PBX3: variants seen among roughly 807,000 people sequenced by gnomAD.
The protein encoded by PBX3 is pre-B-cell leukemia transcription factor 3.
Under a neutral mutation model 48.5 loss-of-function variants are expected in PBX3, and 14 were observed. The observed-to-expected ratio is 0.29, with a 90% CI of 0.19 to 0.45. PBX3 has a LOEUF of 0.45. PBX3 is among the 20% of genes least tolerant of loss of function. The pLI, the probability that PBX3 is intolerant of heterozygous loss-of-function variation, is 1.00. For missense variants in PBX3, 386 were observed against 546.7 expected (o/e 0.71, Z 2.93); for synonymous variants, 210 against 200.3 (o/e 1.05, Z -0.41).
intron 2 of PBX3, among the ~76,000 whole-genome samples, chr9:125,867,361 G>A (rs562487079): frequency 6.6e-6 from 1 of 152,218 alleles, no homozygotes; most frequent in Admixed American, 6.5e-5. Flanking sequence ...AAACAAAATT[G>A]TTGGGTGTGG....
intron 2 of PBX3, among the ~76,000 whole-genome samples, chr9:125,877,654 CACTTT>C (rs1158735733): frequency 6.6e-6 from 1 of 152,058 alleles, no homozygotes; most frequent in Non-Finnish European, 1.5e-5. Flanking sequence ...ATCTTACTTC[CACTTT>C]ACGTATCATG....
chr9:125,801,534 C>T (rs1837944603), intron 2 of PBX3, among the ~76,000 whole-genome samples: 1 of 152,028 alleles, frequency 6.6e-6, no homozygotes, highest in Non-Finnish European at 1.5e-5. Flanking sequence ...AACCAAAGAC[C>T]ATAAAATTAC....
intron 2 of PBX3, among the ~76,000 whole-genome samples, chr9:125,802,854 C>T (rs1347581220): frequency 3.3e-5 from 5 of 151,608 alleles, no homozygotes; most frequent in Non-Finnish European, 7.4e-5. Context: ...AATTTTTGTA[C>T]TTTTAGTAGA....
chr9:125,860,884 CA>C (rs58796485), intron 2 of PBX3, among the ~76,000 whole-genome samples: 14,124 of 99,112 alleles, frequency 0.14, 904 homozygotes, highest in African/African-American at 0.3. Context: ...AAGACTCTGT[CA>C]AAAAAAAAAA....
intron 2 of PBX3, among the ~76,000 whole-genome samples, chr9:125,903,980 C>T (rs1280746884): frequency 6.6e-6 from 1 of 151,732 alleles, no homozygotes; most frequent in African/African-American, 2.4e-5. Flanking sequence ...TAGTACCTGC[C>T]TTACTTAGGG....
intron 5 of PBX3, among the ~76,000 whole-genome samples, chr9:125,956,983 C>CT (rs1169318129): frequency 6.6e-6 from 1 of 152,098 alleles, no homozygotes; most frequent in Non-Finnish European, 1.5e-5. Context: ...CTTAGGGCTT[C>CT]TTTTGCAACT....
chr9:125,914,560 C>T (rs2132464161), intron 2 of PBX3, among the ~76,000 whole-genome samples: 1 of 152,246 alleles, frequency 6.6e-6, no homozygotes, highest in Admixed American at 6.5e-5. Flanking sequence ...ATGTAAGTTA[C>T]ACTAGACACA....
At chr9:125,762,296 T>A (rs1836689820) in intron 2 of PBX3, among the ~76,000 whole-genome samples, 1 of 152,150 alleles carries the variant, frequency 6.6e-6, no homozygotes, top group African/African-American at 2.4e-5. Context: ...TTGCAAGAAG[T>A]GTAGTTCCCC....
chr9:125,900,931 T>C (rs75953004), intron 2 of PBX3, among the ~76,000 whole-genome samples: 3,013 of 151,834 alleles, frequency 0.02, 170 homozygotes, highest in East Asian at 0.17. Context: ...TAAATTATAA[T>C]TTATTCTCTA....
chr9:125,838,368 G>C lies in PBX3; in HGVS notation c.275-77318G>C, dbSNP rs546162815. Among the ~76,000 whole-genome samples the C allele has an allele frequency of 3.5e-4, 53 of 152,240 alleles. 1 individual carries two copies. In the South Asian group the frequency reaches 0.011, roughly 31 times the overall value. On this transcript the variant is annotated intron_variant, in intron 2 of 8. Coordinates refer to ENST00000373489, the MANE Select transcript of PBX3 (RefSeq NM_006195.6). ...CCTGGCGTCTTCTAAGTCTACTTTGGACAATGGGCCCTTGCTCTCACAATT... is the reference window on the plus strand; with the variant it reads ...CCTGGCGTCTTCTAAGTCTACTTTGCACAATGGGCCCTTGCTCTCACAATT...
chr9:125,777,754 T>C (rs550644163), intron 2 of PBX3, among the ~76,000 whole-genome samples: 15 of 152,280 alleles, frequency 9.9e-5, no homozygotes, highest in African/African-American at 3.1e-4. Flanking sequence ...TTTACTCTCT[T>C]TCTTTGTTAT....
rs74993588 is a variant in PBX3, at chr9:125,841,085, T to C, written c.275-74601T>C. 2.9e-3 allele frequency among the ~76,000 whole-genome samples: 445 copies of C among 152,292 alleles called. 4 individuals carry two copies. Among genetic ancestry groups the C allele is most frequent in the African/African-American group, 0.011 (438 of 41,568 alleles). On this transcript the variant is annotated intron_variant, in intron 2 of 8. Transcript: ENST00000373489. ...CGCTAGGGACTATGAATAGCCTCTT[T>C]GCATGGAATTTATTATGGTTTGTTT...
intron 2 of PBX3, among the ~76,000 whole-genome samples, chr9:125,879,084 T>C (rs1305230207): frequency 2.0e-5 from 3 of 149,470 alleles, no homozygotes; most frequent in African/African-American, 7.4e-5. Context: ...ATTCTTTTTT[T>C]TTTTTTTTTT....
chr9:125,793,308 C>T (rs546061536), intron 2 of PBX3, among the ~76,000 whole-genome samples: 12 of 145,040 alleles, frequency 8.3e-5, no homozygotes, highest in Non-Finnish European at 1.3e-4. Context: ...GGCAAGATTG[C>T]GCCACCGCAC....
chr9:125,894,733 T>C (rs1232083677), intron 2 of PBX3, among the ~76,000 whole-genome samples: 1 of 152,146 alleles, frequency 6.6e-6, no homozygotes, highest in Non-Finnish European at 1.5e-5. Context: ...TCAGAATGTA[T>C]GAGCAGTCAT....
intron 2 of PBX3, among the ~76,000 whole-genome samples, chr9:125,881,410 G>T (rs1840378196): frequency 1.3e-5 from 2 of 152,168 alleles, no homozygotes; most frequent in Non-Finnish European, 2.9e-5. Context: ...TAGGAGTATA[G>T]GAATTAGTTG....
chr9:125,802,943 T>G (rs911145850), intron 2 of PBX3, among the ~76,000 whole-genome samples: 1 of 152,058 alleles, frequency 6.6e-6, no homozygotes, highest in East Asian at 1.9e-4. Context: ...CCTCCCAAAG[T>G]GCTGGGATTA....
At chr9:125,835,857 CA>C (rs959994847) in intron 2 of PBX3, among the ~76,000 whole-genome samples, 1 of 151,158 alleles carries the variant, frequency 6.6e-6, no homozygotes, top group African/African-American at 2.4e-5. Context: ...GGCATATATC[CA>C]AAAAAAAGGA....
intron 2 of PBX3, among the ~76,000 whole-genome samples, chr9:125,847,008 A>G (rs1839442627): frequency 6.6e-6 from 1 of 151,808 alleles, no homozygotes; most frequent in Non-Finnish European, 1.5e-5. Flanking sequence ...ATAGTTTAAC[A>G]TGTTCTTCTG....
Sources: allele counts gnomAD v4.1 joint callset (sites outside exome capture counted in the v4.1 genomes callset), GRCh38; gene constraint gnomAD v4.1.1; transcripts MANE v1.5; gene names NCBI Gene and HGNC (gene_info 2026-07-23, HGNC 2026-07-21).